LINC00305: variants seen among roughly 807,000 people sequenced by gnomAD.
The protein encoded by LINC00305 is long intergenic non-protein coding RNA 305.
chr18:64,146,301 G>A lies in LINC00305; in HGVS notation n.314+2474C>T, dbSNP rs1362823009. On this transcript the variant is annotated intron_variant and non_coding_transcript_variant, in intron 1 of 3. Coordinates refer to ENST00000666468, the Ensembl canonical transcript of LINC00305. The stretch of plus-strand genomic sequence containing the variant: ...GAGAATGGAATGTCCAAAGATGACA[G>A]TGTGACCATCCCAAGAAACAGCTCC... Among the ~76,000 whole-genome samples, 8 of 152,322 alleles carry A rather than the reference G, an allele frequency of 5.3e-5. No homozygotes were observed. In the South Asian group the frequency reaches 1.7e-3, roughly 32 times the overall value.
intron 1 of LINC00305, among the ~76,000 whole-genome samples, chr18:64,126,547 G>C (rs9320036): frequency 0.16 from 24,863 of 152,012 alleles, 2,115 homozygotes; most frequent in African/African-American, 0.2. Flanking sequence ...TGTTCACTGA[G>C]ATATAGGATT....
intron 1 of LINC00305, among the ~76,000 whole-genome samples, chr18:64,109,980 T>G (rs894086133): frequency 3.3e-5 from 5 of 152,030 alleles, no homozygotes; most frequent in African/African-American, 1.2e-4. Flanking sequence ...TTTCTGCAAT[T>G]TTTTTTTAAG....
intron 1 of LINC00305, among the ~76,000 whole-genome samples, chr18:64,142,076 A>G (rs751757400): frequency 9.9e-5 from 15 of 152,152 alleles, no homozygotes; most frequent in Admixed American, 1.3e-4. Context: ...TTGCTGGCTG[A>G]GCTGCAGCTC....
intron 3 of LINC00305, among the ~76,000 whole-genome samples, chr18:64,090,446 G>A (rs1356764791): frequency 6.6e-6 from 1 of 152,230 alleles, no homozygotes; most frequent in African/African-American, 2.4e-5. Flanking sequence ...AAGAGTTTCT[G>A]TAATCTGTGC....
At chr18:64,111,740 T>C (rs1255541189) in intron 1 of LINC00305, among the ~76,000 whole-genome samples, 1 of 152,178 alleles carries the variant, frequency 6.6e-6, no homozygotes, top group African/African-American at 2.4e-5. Flanking sequence ...TCTCTCAACC[T>C]GCCTGAGTCA....
exon 3 of LINC00305, chr18:64,097,918 CTGA>C: frequency 2.2e-6 from 1 of 458,084 alleles, no homozygotes; most frequent in South Asian, 1.5e-5. Context: ...GTAAGTGTGG[CTGA>C]TAAACCAGAA....
chr18:64,096,133 CTT>C (rs1391573782), intron 3 of LINC00305, among the ~76,000 whole-genome samples: 1 of 151,848 alleles, frequency 6.6e-6, no homozygotes, highest in Non-Finnish European at 1.5e-5. Context: ...CTCAAATAGA[CTT>C]AAGAAGCAAG....
At chr18:64,089,953 T>C (rs968217146) in intron 3 of LINC00305, among the ~76,000 whole-genome samples, 11 of 152,188 alleles carry the variant, frequency 7.2e-5, no homozygotes, top group African/African-American at 2.7e-4. Context: ...AGATGAGATT[T>C]GGGTGGGGAC....
At chr18:64,122,505 C>A (rs962271116) in intron 1 of LINC00305, among the ~76,000 whole-genome samples, 2 of 151,924 alleles carry the variant, frequency 1.3e-5, no homozygotes, top group Non-Finnish European at 2.9e-5. Flanking sequence ...AAAAATGTGG[C>A]TTTATTCCTG....
intron 1 of LINC00305, among the ~76,000 whole-genome samples, chr18:64,146,594 G>A (rs1235561315): frequency 2.0e-5 from 3 of 152,156 alleles, no homozygotes; most frequent in Non-Finnish European, 4.4e-5. Flanking sequence ...CACCTGACCA[G>A]CTCCCACCAG....
intron 1 of LINC00305, among the ~76,000 whole-genome samples, chr18:64,115,386 G>A (rs1404568204): frequency 6.6e-6 from 1 of 152,114 alleles, no homozygotes; most frequent in Non-Finnish European, 1.5e-5. Flanking sequence ...GCCTCACTGA[G>A]GAACAAAATT....
chr18:64,104,458 T>A (rs1242217694), intron 1 of LINC00305, among the ~76,000 whole-genome samples: 1 of 152,182 alleles, frequency 6.6e-6, no homozygotes, highest in Non-Finnish European at 1.5e-5. Flanking sequence ...GAAAGAAGAT[T>A]CCTCCTCCTG....
chr18:64,108,760 G>C (rs2051302498), intron 1 of LINC00305, among the ~76,000 whole-genome samples: 1 of 152,158 alleles, frequency 6.6e-6, no homozygotes, highest in African/African-American at 2.4e-5. Flanking sequence ...CCCCAAACAA[G>C]TGTACAGTTG....
At chr18:64,148,446 C>T (rs188847112) in intron 1 of LINC00305, among the ~76,000 whole-genome samples, 227 of 151,884 alleles carry the variant, frequency 1.5e-3, no homozygotes, top group Admixed American at 3.1e-3. Flanking sequence ...ATCCTACATA[C>T]CCTTAAGCAA....
intron 1 of LINC00305, among the ~76,000 whole-genome samples, chr18:64,118,745 A>G (rs1387209832): frequency 6.6e-6 from 1 of 151,972 alleles, no homozygotes; most frequent in Non-Finnish European, 1.5e-5. Flanking sequence ...TTATCTATGC[A>G]TCATTGGCTA....
chr18:64,146,063 T>A (rs1179301235), intron 1 of LINC00305, among the ~76,000 whole-genome samples: 4 of 150,618 alleles, frequency 2.7e-5, no homozygotes, highest in Non-Finnish European at 4.5e-5. Context: ...GCTATCTTAG[T>A]AATTAAAAAA....
At chr18:64,148,417 T>C (rs2144288133) in intron 1 of LINC00305, among the ~76,000 whole-genome samples, 2 of 152,232 alleles carry the variant, frequency 1.3e-5, no homozygotes, top group African/African-American at 4.8e-5. Flanking sequence ...ATTTTTTTTT[T>C]TTTGCTTGTT....
At chr18:64,137,556 G>A (rs1005770188) in intron 1 of LINC00305, among the ~76,000 whole-genome samples, 4 of 152,144 alleles carry the variant, frequency 2.6e-5, no homozygotes, top group African/African-American at 7.2e-5. Flanking sequence ...AGAGGCTCAC[G>A]ACTTGTTTCA....
At chr18:64,084,852 G>A (rs1222249667) in intron 3 of LINC00305, among the ~76,000 whole-genome samples, 1 of 152,176 alleles carries the variant, frequency 6.6e-6, no homozygotes, top group Non-Finnish European at 1.5e-5. Flanking sequence ...GATGCTTGTA[G>A]ATGTGCCAGA....
Sources: gnomAD v4.1 joint callset for allele counts (sites outside exome capture counted in the v4.1 genomes callset) on GRCh38, gnomAD v4.1.1 for gene constraint, MANE v1.5 for transcripts, NCBI Gene and HGNC (gene_info 2026-07-23, HGNC 2026-07-21) for gene names.